The following TRPM3 variants were observed in gnomAD, a reference collection of about 807,000 sequenced individuals.
TRPM3 encodes the protein transient receptor potential cation channel subfamily M member 3.
TRPM3 carries 77 observed loss-of-function variants against 181.2 expected under a neutral mutation model. That is an observed-to-expected ratio of 0.42 (90% confidence interval 0.35 to 0.51). The LOEUF (loss-of-function observed/expected upper bound fraction) is 0.51, where lower values mean the gene tolerates loss of function less well. Ranked by LOEUF, TRPM3 falls within the 20% of genes least tolerant of loss-of-function variation. The pLI, the probability that TRPM3 is intolerant of heterozygous loss-of-function variation, is 0.01. For synonymous variants in TRPM3, 745 were observed against 796.4 expected (o/e 0.94, Z 1.09); for missense variants, 1,759 against 2,196.7 (o/e 0.80, Z 3.98).
At chr9:71,196,589 T>G (rs1339174934) in intron 1 of TRPM3, among the ~76,000 whole-genome samples, 1 of 151,926 alleles carries the variant, frequency 6.6e-6, no homozygotes, top group Non-Finnish European at 1.5e-5. Context: ...TTCTCTCCCC[T>G]CTCCTCCATC....
intron 1 of TRPM3, among the ~76,000 whole-genome samples, chr9:71,299,332 G>T (rs962964896): frequency 3.9e-5 from 6 of 152,128 alleles, no homozygotes; most frequent in Non-Finnish European, 8.8e-5. Flanking sequence ...TTAACTCTGT[G>T]CCCAGTGTTG....
chr9:70,859,344 C>T (rs545693927), intron 3 of TRPM3, among the ~76,000 whole-genome samples: 1 of 143,690 alleles, frequency 7.0e-6, no homozygotes, highest in East Asian at 1.9e-4. Flanking sequence ...GAAGATCTAT[C>T]TGCTTCTTCG....
At chr9:71,138,548 T>G (rs201737817) in intron 1 of TRPM3, among the ~76,000 whole-genome samples, 1 of 146,650 alleles carries the variant, frequency 6.8e-6, no homozygotes, top group Non-Finnish European at 1.5e-5. Context: ...TTTTTCTTTT[T>G]TTTTCAGTTT....
At chr9:71,328,162 T>TTTTG (rs923850615) in intron 1 of TRPM3, among the ~76,000 whole-genome samples, 6 of 151,908 alleles carry the variant, frequency 3.9e-5, no homozygotes, top group African/African-American at 1.2e-4. Flanking sequence ...CCTCTCTGTT[T>TTTTG]TTTGTTTGTT....
chr9:71,140,614 A>G (rs375168946), intron 1 of TRPM3, among the ~76,000 whole-genome samples: 1 of 152,288 alleles, frequency 6.6e-6, no homozygotes. Context: ...ACTTTCCTCA[A>G]TGAATGCCCT....
chr9:70,865,804 G>T (rs552291898), intron 1 of TRPM3, among the ~76,000 whole-genome samples: 2 of 152,158 alleles, frequency 1.3e-5, no homozygotes, highest in African/African-American at 4.8e-5. Context: ...CAAAGAAACT[G>T]CATCCTGTTT....
At chr9:70,841,531 T>C (rs536980090) in intron 5 of TRPM3, among the ~76,000 whole-genome samples, 4 of 149,920 alleles carry the variant, frequency 2.7e-5, no homozygotes, top group East Asian at 2.0e-4. Context: ...CCTGCACTTA[T>C]ATATTTATTG....
At chr9:71,290,447 A>T (rs1588320546) in intron 1 of TRPM3, among the ~76,000 whole-genome samples, 1 of 152,204 alleles carries the variant, frequency 6.6e-6, no homozygotes, top group East Asian at 1.9e-4. Flanking sequence ...CTGAGAAAGA[A>T]ATAGTTCCAA....
intron 1 of TRPM3, among the ~76,000 whole-genome samples, chr9:71,003,332 G>A (rs2097635714): frequency 1.3e-5 from 2 of 151,370 alleles, no homozygotes; most frequent in South Asian, 4.2e-4. Flanking sequence ...ATTCTTCTAT[G>A]GATGGGCATT....
At chr9:70,613,742 G>T (rs2062334980) in intron 18 of TRPM3, among the ~76,000 whole-genome samples, 1 of 152,176 alleles carries the variant, frequency 6.6e-6, no homozygotes, top group Non-Finnish European at 1.5e-5. Flanking sequence ...TGGGCTCTTA[G>T]TAAACAACGT....
chr9:70,890,017 GCATATAT>G (rs2096171358), intron 1 of TRPM3, among the ~76,000 whole-genome samples: 1 of 146,252 alleles, frequency 6.8e-6, no homozygotes, highest in South Asian at 2.1e-4. Context: ...ATTCTATATA[GCATATAT>G]AAATATATAC....
At chr9:70,917,200 A>G in intron 1 of TRPM3, 2 of 1,603,068 alleles carry the variant, frequency 1.2e-6, no homozygotes, top group East Asian at 2.2e-5. Flanking sequence ...ACACAACTTT[A>G]TTGAAGTCCT....
At chr9:71,018,412 G>T (rs552259136) in intron 1 of TRPM3, among the ~76,000 whole-genome samples, 18 of 151,864 alleles carry the variant, frequency 1.2e-4, no homozygotes, top group African/African-American at 4.3e-4. Context: ...AAATGAAACT[G>T]ATAAAATCCT....
intron 1 of TRPM3, among the ~76,000 whole-genome samples, chr9:71,421,233 G>C (rs74591633): frequency 3.3e-5 from 5 of 151,716 alleles, no homozygotes; most frequent in South Asian, 4.2e-4. Flanking sequence ...AAGGAAGGGG[G>C]TGTGGGTTTA....
chr9:71,033,293 G>A (rs2057769011), intron 1 of TRPM3, among the ~76,000 whole-genome samples: 1 of 152,216 alleles, frequency 6.6e-6, no homozygotes, highest in Non-Finnish European at 1.5e-5. Flanking sequence ...GGACACGGCT[G>A]CTTTTAATAT....
chr9:71,052,610 T>C (rs2060181723), intron 1 of TRPM3, among the ~76,000 whole-genome samples: 1 of 152,148 alleles, frequency 6.6e-6, no homozygotes, highest in African/African-American at 2.4e-5. Context: ...TAATCATTTT[T>C]AACAATGAAA....
intron 20 of TRPM3, among the ~76,000 whole-genome samples, chr9:70,601,512 G>A (rs1305383565): frequency 6.6e-6 from 1 of 152,130 alleles, no homozygotes; most frequent in Non-Finnish European, 1.5e-5. Flanking sequence ...CCCTTTGGTC[G>A]TCAAGCAACT....
intron 6 of TRPM3, among the ~76,000 whole-genome samples, chr9:70,804,528 C>T (rs2090163281): frequency 6.6e-6 from 1 of 152,150 alleles, no homozygotes; most frequent in Non-Finnish European, 1.5e-5. Flanking sequence ...TACAAACTTA[C>T]AAGGGTTAAA....
intron 1 of TRPM3, among the ~76,000 whole-genome samples, chr9:71,147,587 C>A (rs1176986408): frequency 6.6e-6 from 1 of 152,156 alleles, no homozygotes; most frequent in East Asian, 1.9e-4. Context: ...GACAAAAACC[C>A]TCAAGAGATC....
Sources: allele counts gnomAD v4.1 joint callset (sites outside exome capture counted in the v4.1 genomes callset), GRCh38; gene constraint gnomAD v4.1.1; transcripts MANE v1.5; gene names NCBI Gene and HGNC (gene_info 2026-07-23, HGNC 2026-07-21).